ZNF385D: variants seen among roughly 807,000 people sequenced by gnomAD.
ZNF385D encodes zinc finger protein 659.
ZNF385D carries 15 observed loss-of-function variants against 35.8 expected under a neutral mutation model. The observed-to-expected ratio is 0.42, with a 90% CI of 0.28 to 0.64. ZNF385D has a LOEUF of 0.64. ZNF385D is among the 30% of genes least tolerant of loss of function. ZNF385D has a pLI of 0.23. For synonymous variants in ZNF385D, 212 were observed against 186.8 expected (o/e 1.13, Z -1.10); for missense variants, 474 against 494.6 (o/e 0.96, Z 0.39).
intron 3 of ZNF385D, among the ~76,000 whole-genome samples, chr3:21,850,956 G>A (rs1696346657): frequency 6.6e-6 from 1 of 151,670 alleles, no homozygotes. Flanking sequence ...TCAAATATTT[G>A]GCATCCAATA....
chr3:21,815,852 C>T lies in ZNF385D; in HGVS notation c.326-150824G>A, dbSNP rs199554907. On this transcript the variant is annotated intron_variant, in intron 3 of 5. Coordinates refer to the ZNF385D transcript ENST00000494108. Reference sequence around the variant, plus strand: ...TTATGAGGCCAGCATCATTCTGATACCAACGCCTGGCAGAGACACAACAAA... The same window carrying T: ...TTATGAGGCCAGCATCATTCTGATATCAACGCCTGGCAGAGACACAACAAA... 1.9e-4 allele frequency among the ~76,000 whole-genome samples: 29 copies of T among 152,134 alleles called. No individual in the cohort carries two copies. The East Asian group carries it at 4.6e-3, about 24-fold the overall frequency.
intron 3 of ZNF385D, among the ~76,000 whole-genome samples, chr3:21,538,211 G>A (rs2062084787): frequency 6.6e-6 from 1 of 152,064 alleles, no homozygotes; most frequent in Non-Finnish European, 1.5e-5. Context: ...AGGTAAACAA[G>A]TGCAGATATT....
intron 3 of ZNF385D, among the ~76,000 whole-genome samples, chr3:21,924,186 T>C (rs1356712056): frequency 6.6e-6 from 1 of 152,188 alleles, no homozygotes; most frequent in African/African-American, 2.4e-5. Flanking sequence ...TATATTTCCC[T>C]ATTTCTACCA....
intron 3 of ZNF385D, among the ~76,000 whole-genome samples, chr3:21,774,713 A>T (rs1277696766): frequency 6.6e-6 from 1 of 151,910 alleles, no homozygotes. Context: ...TTGATGAAGG[A>T]GTAGATGTAA....
chr3:22,035,185 G>C (rs1047331689), intron 3 of ZNF385D, among the ~76,000 whole-genome samples: 1 of 152,150 alleles, frequency 6.6e-6, no homozygotes, highest in African/African-American at 2.4e-5. Context: ...CATTTAGTTT[G>C]ATCGCAATTA....
At chr3:21,550,355 G>GA (rs1244017357) in intron 3 of ZNF385D, among the ~76,000 whole-genome samples, 3 of 151,974 alleles carry the variant, frequency 2.0e-5, no homozygotes, top group Non-Finnish European at 4.4e-5. Context: ...TACTAGGGAG[G>GA]AAAAAATACT....
chr3:21,897,360 A>G (rs1699189946), intron 3 of ZNF385D, among the ~76,000 whole-genome samples: 1 of 152,154 alleles, frequency 6.6e-6, no homozygotes, highest in African/African-American at 2.4e-5. Context: ...TATACCTCAA[A>G]CACAGGAGAT....
At chr3:21,930,299 G>C (rs976968782) in intron 3 of ZNF385D, among the ~76,000 whole-genome samples, 6 of 148,148 alleles carry the variant, frequency 4.1e-5, no homozygotes, top group African/African-American at 1.5e-4. Context: ...AACTAGAAAC[G>C]GATCATAGAT....
chr3:21,528,726 C>T (rs187924341), intron 3 of ZNF385D, among the ~76,000 whole-genome samples: 1 of 152,290 alleles, frequency 6.6e-6, no homozygotes, highest in African/African-American at 2.4e-5. Context: ...TTGATGTATA[C>T]AGCAGCCAGA....
intron 3 of ZNF385D, among the ~76,000 whole-genome samples, chr3:21,809,696 A>T (rs2072823084): frequency 6.6e-6 from 1 of 151,018 alleles, no homozygotes; most frequent in African/African-American, 2.4e-5. Flanking sequence ...ACCTATATAC[A>T]TATATACACA....
At chr3:21,784,709 A>T (rs1336397290) in intron 3 of ZNF385D, among the ~76,000 whole-genome samples, 3 of 151,992 alleles carry the variant, frequency 2.0e-5, no homozygotes, top group African/African-American at 7.2e-5. Flanking sequence ...GACATTTCCT[A>T]TTTTAAGATA....
At chr3:22,254,935 G>A (rs374762713) in intron 2 of ZNF385D, among the ~76,000 whole-genome samples, 6 of 151,828 alleles carry the variant, frequency 4.0e-5, no homozygotes, top group Non-Finnish European at 7.4e-5. Flanking sequence ...AGTGTATATA[G>A]TATAGAAAAG....
intron 5 of ZNF385D, among the ~76,000 whole-genome samples, chr3:21,436,528 T>C (rs900366654): frequency 9.2e-5 from 14 of 152,096 alleles, no homozygotes; most frequent in African/African-American, 2.4e-4. Context: ...TTAGCCCAAA[T>C]AACATTATTT....
At chr3:21,978,499 T>C (rs1015802278) in intron 3 of ZNF385D, among the ~76,000 whole-genome samples, 3 of 152,246 alleles carry the variant, frequency 2.0e-5, no homozygotes, top group African/African-American at 7.2e-5. Context: ...GTGGGTGTTC[T>C]GGTGTGACTT....
intron 2 of ZNF385D, among the ~76,000 whole-genome samples, chr3:22,247,224 A>C (rs924057933): frequency 1.3e-5 from 2 of 152,132 alleles, no homozygotes; most frequent in African/African-American, 2.4e-5. Flanking sequence ...TGATTATTTA[A>C]TATATTAAAC....
intron 2 of ZNF385D, among the ~76,000 whole-genome samples, chr3:22,253,781 A>C (rs1376529753): frequency 6.6e-6 from 1 of 152,048 alleles, no homozygotes; most frequent in East Asian, 1.9e-4. Context: ...CTGAAGCAGT[A>C]TAGCATTAGT....
chr3:21,954,327 A>G lies in ZNF385D; in HGVS notation c.325+214490T>C, dbSNP rs181375602. 1.2e-3 allele frequency among the ~76,000 whole-genome samples: 188 copies of G among 152,068 alleles called. 1 individual carries two copies. The highest frequency in any genetic ancestry group is 4.2e-3 in the African/African-American group (176 of 41,506). On this transcript the variant is annotated intron_variant, in intron 3 of 5. Transcript: ENST00000494108. Reference sequence around the variant, plus strand: ...ATTTGTCTCTAAGTAACTTGCCCCAATATGTCTTTTGTTTCAAGTAAACAC... The same window carrying G: ...ATTTGTCTCTAAGTAACTTGCCCCAGTATGTCTTTTGTTTCAAGTAAACAC...
intron 3 of ZNF385D, among the ~76,000 whole-genome samples, chr3:22,096,188 C>G (rs1029933488): frequency 6.6e-6 from 1 of 151,770 alleles, no homozygotes; most frequent in South Asian, 2.1e-4. Flanking sequence ...GAGAAGGAGA[C>G]AAGGGTTGAA....
intron 2 of ZNF385D, among the ~76,000 whole-genome samples, chr3:22,286,886 G>T (rs1324020688): frequency 1.3e-5 from 2 of 152,066 alleles, no homozygotes; most frequent in African/African-American, 4.8e-5. Context: ...GTGTTGGTTA[G>T]ATCCATCTGC....
Sources: allele counts gnomAD v4.1 joint callset (sites outside exome capture counted in the v4.1 genomes callset), GRCh38; gene constraint gnomAD v4.1.1; transcripts MANE v1.5; gene names NCBI Gene and HGNC (gene_info 2026-07-23, HGNC 2026-07-21).